AGO1: variants seen among roughly 807,000 people sequenced by gnomAD.
The protein encoded by AGO1 is protein argonaute-1.
AGO1 carries 11 observed loss-of-function variants against 109.2 expected under a neutral mutation model. The ratio of observed to expected loss-of-function variants is 0.10; its 90% confidence interval spans 0.06 to 0.17. AGO1 has a LOEUF of 0.17. Among genes scored for constraint, AGO1 ranks in the 10% least tolerant of loss-of-function variants. The pLI is 1.00. For synonymous variants in AGO1, 422 were observed against 418.6 expected (o/e 1.01, Z -0.10); for missense variants, 574 against 1,140.3 (o/e 0.50, Z 7.15).
intron 12 of AGO1, among the ~76,000 whole-genome samples, chr1:35,909,132 A>G (rs1645585624): frequency 6.6e-6 from 1 of 152,066 alleles, no homozygotes; most frequent in African/African-American, 2.4e-5. Context: ...GACTTTCTTG[A>G]ATGGGTTCCA....
At chr1:35,871,896 C>T (rs1363800394) in intron 1 of AGO1, among the ~76,000 whole-genome samples, 2 of 151,452 alleles carry the variant, frequency 1.3e-5, no homozygotes, top group Non-Finnish European at 2.9e-5. Flanking sequence ...AGTGAAACCC[C>T]ATCTCTACTA....
At chr1:35,916,522 C>T (rs1645739046) in intron 15 of AGO1, among the ~76,000 whole-genome samples, 1 of 152,118 alleles carries the variant, frequency 6.6e-6, no homozygotes, top group Admixed American at 6.5e-5. Flanking sequence ...TATGAGTCAC[C>T]ACACCCAGCT....
chr1:35,902,367 G>T, intron 11 of AGO1, 30 bp downstream of exon 11: 1 of 1,607,798 alleles, frequency 6.2e-7, no homozygotes, highest in Non-Finnish European at 8.5e-7. Flanking sequence ...GGGGTGGAAG[G>T]GTGGGAAGGA....
intron 8 of AGO1, among the ~76,000 whole-genome samples, chr1:35,900,923 T>TA: frequency 1.3e-5 from 2 of 150,694 alleles, no homozygotes; most frequent in East Asian, 3.9e-4. Flanking sequence ...AATAAATAAA[T>TA]AAATAAAATA....
chr1:35,904,132 G>A (rs1379429480), intron 11 of AGO1, among the ~76,000 whole-genome samples: 2 of 125,918 alleles, frequency 1.6e-5, no homozygotes, highest in East Asian at 2.2e-4. Flanking sequence ...TTTTTTTTGA[G>A]GCGGAGTCTC....
chr1:35,907,657 A>G (rs1645548603), intron 12 of AGO1, among the ~76,000 whole-genome samples: 3 of 152,106 alleles, frequency 2.0e-5, no homozygotes, highest in East Asian at 1.9e-4. Context: ...CAAAGCAATA[A>G]GAGTTTTTCT....
At position 35,925,699 on chromosome 1, in the gene AGO1, A is replaced by AT. The variant is rs1645914395; in HGVS notation, c.*6093dup. The AT allele has an allele frequency of 6.6e-5, 10 of 152,054 alleles. No homozygotes were observed. Among genetic ancestry groups the AT allele is most frequent in the Admixed American group, 5.3e-4 (8 of 15,238 alleles). The allele number at this position is 152,054 out of a possible 1,614,324, so 9.4% of individuals were successfully genotyped here. ...AATTCCTGAATCTTCAGGTAAGCAG[A>AT]TACTTAACTACATTATCATTGTCTT... On this transcript the variant is annotated 3_prime_UTR_variant, in exon 19 of 19. Transcript: ENST00000373204.
At position 35,894,373 on chromosome 1, in the gene AGO1, T is replaced by C. The variant is rs760596663; in HGVS notation, c.843T>C (p.Asn281=). The C allele has an allele frequency of 3.1e-6, 5 of 1,614,158 alleles. No individual in the cohort carries two copies. Among genetic ancestry groups the C allele is most frequent in the Non-Finnish European group, 3.4e-6 (4 of 1,180,034 alleles). Residue 281 remains asparagine, a synonymous_variant, in exon 7 of 19, where the codon AAT becomes AAC. Coordinates refer to ENST00000373204, the MANE Select transcript of AGO1 (RefSeq NM_012199.5). ...GQMKRKYRVC[N]VTRRPASHQT... ...TGAAGAGGAAGTACCGCGTGTGTAA[T>C]GTTACCCGTCGCCCTGCTAGCCATC...
chr1:35,886,793 G>T (rs1273127014), intron 1 of AGO1, among the ~76,000 whole-genome samples: 1 of 152,134 alleles, frequency 6.6e-6, no homozygotes, highest in Non-Finnish European at 1.5e-5. Flanking sequence ...GGATATGTTT[G>T]TTCATTCATT....
In AGO1 at chr1:35,913,896, A is replaced by T; in HGVS notation, c.1637A>T (p.Gln546Leu). Residue 546 changes from glutamine (Q) to leucine (L), a missense_variant, in exon 13 of 19, where the codon CAG (glutamine) becomes CTG (leucine). Transcript: ENST00000373204. ...TTGGGAATGGCTACGCAGTGTGTGCAGGTGAAGAACGTGGTCAAGACCTCA... is the reference window on the plus strand; with the variant it reads ...TTGGGAATGGCTACGCAGTGTGTGCTGGTGAAGAACGTGGTCAAGACCTCA... ...TLLGMATQCV[Q>L]VKNVVKTSPQ... 6.2e-7 allele frequency: 1 copy of T among 1,614,116 alleles called. No individual in the cohort carries two copies. Among genetic ancestry groups the T allele is most frequent in the Non-Finnish European group, 8.5e-7 (1 of 1,180,020 alleles).
rs1446614001 is a variant in AGO1, at chr1:35,920,188, A to C, written c.*581A>C. 4 of 152,262 alleles carry C rather than the reference A, an allele frequency of 2.6e-5. No homozygotes were observed. The Admixed American group carries it at 2.6e-4, about 10-fold the overall frequency. 9.4% of individuals were successfully genotyped at this position (152,262 alleles called of 1,614,324 possible). On this transcript the variant is annotated 3_prime_UTR_variant, in exon 19 of 19. Transcript: ENST00000373204. ...AATCCAGTTTGTAGGAAGATTTTTT[A>C]ATGGTTTTGGTTGCTCCTCCCCCAG...
chr1:35,897,179 A>G lies in AGO1; in HGVS notation c.1020+1910A>G, dbSNP rs867623970. Among the ~76,000 whole-genome samples the G allele has an allele frequency of 7.2e-5, 11 of 152,316 alleles. No individual in the cohort carries two copies. In the Middle Eastern group the frequency reaches 0.01, roughly 141 times the overall value. ...ACGTAAAGTAGTTTCAGATGGTGATAAGTGCTATAAGAATAATAAAATAGG... is the reference window on the plus strand; with the variant it reads ...ACGTAAAGTAGTTTCAGATGGTGATGAGTGCTATAAGAATAATAAAATAGG... On this transcript the variant is annotated intron_variant, in intron 8 of 18. Coordinates refer to ENST00000373204, the MANE Select transcript of AGO1 (RefSeq NM_012199.5).
chr1:35,922,838 A>G lies in AGO1; in HGVS notation c.*3231A>G, dbSNP rs1260732717. The stretch of plus-strand genomic sequence containing the variant: ...GTGTGAAGTCAGGAGGGTTTCTGGC[A>G]TTTTCCACACCTGTCCACTCCTTGG... On this transcript the variant is annotated 3_prime_UTR_variant, in exon 19 of 19. Transcript: ENST00000373204. 1 of 152,122 alleles carries G rather than the reference A, an allele frequency of 6.6e-6. No homozygotes were observed. The highest frequency in any genetic ancestry group is 2.4e-5 in the African/African-American group (1 of 41,426). 9.4% of individuals were successfully genotyped at this position (152,122 alleles called of 1,614,324 possible). A position where few individuals can be genotyped will look rare whatever the true frequency, so the allele number is the denominator to read the frequency against.
chr1:35,874,431 C>T (rs1644977517), intron 1 of AGO1, among the ~76,000 whole-genome samples: 1 of 152,194 alleles, frequency 6.6e-6, no homozygotes, highest in Non-Finnish European at 1.5e-5. Context: ...CCTGCCTTGG[C>T]CTCCCAAAGT....
chr1:35,871,790 C>G (rs115164326), intron 1 of AGO1, among the ~76,000 whole-genome samples: 1,665 of 151,860 alleles, frequency 0.011, 30 homozygotes, highest in African/African-American at 0.038. Flanking sequence ...TAATTGTTGC[C>G]TGGGTGCGGT....
chr1:35,899,068 T>A (rs552372327), intron 8 of AGO1, among the ~76,000 whole-genome samples: 12 of 152,338 alleles, frequency 7.9e-5, no homozygotes, highest in African/African-American at 2.9e-4. Flanking sequence ...TTTTAACCCC[T>A]AGCAACCACC....
chr1:35,879,578 C>G (rs569709667), upstream of AGO1, among the ~76,000 whole-genome samples: 3 of 149,728 alleles, frequency 2.0e-5, 1 homozygote, highest in South Asian at 4.2e-4. Context: ...GCCAACATGG[C>G]GCAAAAATTA....
rs1645073145 is a variant in AGO1, at chr1:35,883,871, G to C, written c.25+425G>C. ...GGGCTGGAATAGGCTAATGTCTCTT[G>C]GGAGAAGGCGCCAGAGCTGGACTGT... On this transcript the variant is annotated intron_variant, in intron 1 of 18. Coordinates refer to ENST00000373204, the MANE Select transcript of AGO1 (RefSeq NM_012199.5). This position sits in a 1 kb window ranked among gnomAD's most constrained non-coding sequence, Gnocchi z 5.4. 6.6e-6 allele frequency among the ~76,000 whole-genome samples: 1 copy of C among 152,224 alleles called. No homozygotes were observed. The highest frequency in any genetic ancestry group is 2.4e-5 in the African/African-American group (1 of 41,468).
chr1:35,877,218 C>T (rs1644999780), intron 1 of AGO1, among the ~76,000 whole-genome samples: 1 of 152,164 alleles, frequency 6.6e-6, no homozygotes, highest in African/African-American at 2.4e-5. Flanking sequence ...TTTCCCCTGG[C>T]TTGGGCTAGG....
Sources: allele counts gnomAD v4.1 joint callset (sites outside exome capture counted in the v4.1 genomes callset), GRCh38; gene constraint gnomAD v4.1.1; non-coding constraint Gnocchi (gnomAD v3.1); transcripts MANE v1.5; gene names NCBI Gene and HGNC (gene_info 2026-07-23, HGNC 2026-07-21).